The following TRHDE variants were observed in gnomAD, a reference collection of about 807,000 sequenced individuals.
TRHDE encodes the protein thyrotropin releasing hormone degrading enzyme, also known as thyrotropin-releasing hormone-degrading ectoenzyme.
A neutral mutation model predicts 125.7 loss-of-function variants in TRHDE; 72 were observed. That is an observed-to-expected ratio of 0.57 (90% CI 0.47 to 0.70). The LOEUF (loss-of-function observed/expected upper bound fraction) is 0.70. Ranked by LOEUF, TRHDE falls within the 30% of genes least tolerant of loss-of-function variation. TRHDE has a pLI of 0.00. For synonymous variants in TRHDE, 509 were observed against 509.1 expected, an observed-to-expected ratio of 1.00 and a Z score of 0.00; for missense variants, 1,110 against 1,327.1, an observed-to-expected ratio of 0.84 and a Z score of 2.54.
chr12:72,513,194 G>T (rs1431213449), intron 6 of TRHDE, among the ~76,000 whole-genome samples: 1 of 151,974 alleles, frequency 6.6e-6, no homozygotes, highest in African/African-American at 2.4e-5. Context: ...TATTATCTCA[G>T]TTCATTATAA....
chr12:72,472,663 A>G (rs1049736956), intron 4 of TRHDE, among the ~76,000 whole-genome samples: 2 of 152,154 alleles, frequency 1.3e-5, no homozygotes, highest in Admixed American at 1.3e-4. Flanking sequence ...CGTTTTCAGC[A>G]GACATTTACC....
intron 2 of TRHDE, among the ~76,000 whole-genome samples, chr12:72,134,632 C>A (rs901327238): frequency 6.6e-6 from 1 of 151,908 alleles, no homozygotes; most frequent in Non-Finnish European, 1.5e-5. Flanking sequence ...TCCACACAAC[C>A]TGAATTTACT....
chr12:72,204,422 T>TA (rs1196230523), intron 2 of TRHDE, among the ~76,000 whole-genome samples: 1 of 152,174 alleles, frequency 6.6e-6, no homozygotes, highest in East Asian at 1.9e-4. Flanking sequence ...TCTATATAAA[T>TA]TATCTCTTTT....
rs371741404 is a variant in TRHDE, at chr12:72,163,332, G to A, written n.279+57580G>A. Among the ~76,000 whole-genome samples, 33 of 152,262 alleles carry A rather than the reference G, an allele frequency of 2.2e-4. No individual in the cohort carries two copies. In the South Asian group the frequency reaches 6.6e-3, roughly 31 times the overall value. ...GAATACCTATAACAGCTTGTCTGAG[G>A]CAGGTTCCTCTCAAAGGGATGACGG... On this transcript the variant is annotated intron_variant and non_coding_transcript_variant, in intron 2 of 4. Coordinates refer to the TRHDE transcript ENST00000548156.
chr12:72,262,473 T>C (rs1816569578), intron 2 of TRHDE: 1 of 152,182 alleles, frequency 6.6e-6, no homozygotes, highest in Admixed American at 6.6e-5. Context: ...GCAGTTTAAT[T>C]TGACTATCTT....
chr12:72,400,792 C>A (rs1366008461), intron 3 of TRHDE, among the ~76,000 whole-genome samples: 2 of 152,126 alleles, frequency 1.3e-5, no homozygotes, highest in Non-Finnish European at 2.9e-5. Flanking sequence ...ATTTCCAAAA[C>A]ACTTTGCGTG....
intron 3 of TRHDE, among the ~76,000 whole-genome samples, chr12:72,438,829 G>T (rs1307131339): frequency 6.6e-6 from 1 of 151,702 alleles, no homozygotes; most frequent in Admixed American, 6.6e-5. Context: ...TGTTTTTATG[G>T]TCACATCTAA....
In TRHDE at chr12:72,663,151, C is replaced by G. The variant is rs1001845109; in HGVS notation, c.3166C>G (p.Gln1056Glu). The G allele has an allele frequency of 8.1e-6, 13 of 1,612,818 alleles. No homozygotes were observed. The Admixed American group carries it at 2.2e-4, about 27-fold the overall frequency. ...CAATGTGCGCTGGAAAATGCTTTAC[C>G]AAGACGAGCTTTTCCAATGGTTAGG... The part of the protein sequence containing the change: ...EANVRWKMLY[Q>E]DELFQWLGKA... The change falls in exon 19 of 19, where the codon CAA (glutamine) becomes GAA (glutamate). Residue 1056 changes from glutamine to glutamate, a missense_variant. Physicochemically the swap from Gln to Glu is conservative, Grantham distance 29. Coordinates refer to ENST00000261180, the MANE Select transcript of TRHDE (RefSeq NM_013381.3).
chr12:72,462,908 T>C (rs879697819), intron 3 of TRHDE, among the ~76,000 whole-genome samples: 2 of 152,162 alleles, frequency 1.3e-5, no homozygotes, highest in Non-Finnish European at 2.9e-5. Flanking sequence ...AGTCTCCTTC[T>C]CTGCTGGAAC....
intron 2 of TRHDE, among the ~76,000 whole-genome samples, chr12:72,233,099 C>G (rs2139375324): frequency 6.6e-6 from 1 of 152,188 alleles, no homozygotes. Context: ...CAACTTAAAG[C>G]TGTTTTCCAT....
chr12:72,413,056 A>G (rs926705337), intron 3 of TRHDE, among the ~76,000 whole-genome samples: 2 of 152,062 alleles, frequency 1.3e-5, no homozygotes, highest in African/African-American at 2.4e-5. Context: ...GGAGGTTGCA[A>G]CATATCATTA....
At position 72,273,563 on chromosome 12, in the gene TRHDE, G is replaced by T. The variant is rs1321444489; in HGVS notation, c.914+6G>T. 6.3e-7 allele frequency: 1 copy of T among 1,578,024 alleles called. No homozygotes were observed. The highest frequency in any genetic ancestry group is 1.1e-5 in the South Asian group (1 of 89,822). Reference sequence around the variant, plus strand: ...GTGCTCCACGGGGAGAGAAGGTATGGAGGGAGGCGGTGCCCCGCGCTGCCC... The same window carrying T: ...GTGCTCCACGGGGAGAGAAGGTATGTAGGGAGGCGGTGCCCCGCGCTGCCC... On this transcript the variant is annotated splice_donor_region_variant and intron_variant, in intron 1 of 18. Coordinates refer to ENST00000261180, the MANE Select transcript of TRHDE (RefSeq NM_013381.3). The surrounding 1 kb of genome is among the most constrained non-coding windows in gnomAD (Gnocchi z 5.3).
intron 2 of TRHDE, among the ~76,000 whole-genome samples, chr12:72,237,720 C>G (rs1878362002): frequency 6.6e-6 from 1 of 152,146 alleles, no homozygotes; most frequent in South Asian, 2.1e-4. Context: ...CTGAGGCCTC[C>G]CTAGCCATGC....
intron 7 of TRHDE, among the ~76,000 whole-genome samples, chr12:72,553,284 T>C (rs1236237559): frequency 6.6e-6 from 1 of 152,164 alleles, no homozygotes; most frequent in Non-Finnish European, 1.5e-5. Context: ...CTTGGATTCC[T>C]CCAGGATTGG....
rs567311078 is a variant in TRHDE at position 72,505,860 on chromosome 12, A to G, written c.1722+6225A>G. Among the ~76,000 whole-genome samples the G allele has an allele frequency of 3.9e-5, 6 of 152,334 alleles. No homozygotes were observed. In the South Asian group the frequency reaches 8.3e-4, roughly 21 times the overall value. ...TAGGAAAGGCCAATCATCCATTTGTATCTATCACCCCTTGTAATACCAGGC... is the reference window on the plus strand; with the variant it reads ...TAGGAAAGGCCAATCATCCATTTGTGTCTATCACCCCTTGTAATACCAGGC... On this transcript the variant is annotated intron_variant, in intron 6 of 18. Transcript: ENST00000261180.
At chr12:72,438,170 A>C (rs894125663) in intron 3 of TRHDE, among the ~76,000 whole-genome samples, 1 of 151,706 alleles carries the variant, frequency 6.6e-6, no homozygotes, top group Non-Finnish European at 1.5e-5. Context: ...TTCTTTATCT[A>C]TTCATCTGTT....
chr12:72,105,812 A>C (rs997271146), intron 2 of TRHDE: 1 of 152,192 alleles, frequency 6.6e-6, no homozygotes, highest in Non-Finnish European at 1.5e-5. Flanking sequence ...CACACAACAA[A>C]ATACTTTATT....
At chr12:72,349,608 A>C (rs571354024) in intron 2 of TRHDE, among the ~76,000 whole-genome samples, 11 of 151,980 alleles carry the variant, frequency 7.2e-5, no homozygotes, top group East Asian at 1.9e-4. Flanking sequence ...TGTTCAGAGC[A>C]GTAGACCCTA....
intron 3 of TRHDE, among the ~76,000 whole-genome samples, chr12:72,383,031 A>T (rs902292237): frequency 6.6e-6 from 1 of 152,220 alleles, no homozygotes; most frequent in South Asian, 2.1e-4. Context: ...ATAAGCCAAC[A>T]TAAGTAACCA....
Sources: allele counts gnomAD v4.1 joint callset (sites outside exome capture counted in the v4.1 genomes callset), GRCh38; gene constraint gnomAD v4.1.1; non-coding constraint Gnocchi (gnomAD v3.1); transcripts MANE v1.5; gene names NCBI Gene and HGNC (gene_info 2026-07-23, HGNC 2026-07-21).